The following STK17B variants were observed in gnomAD, a reference collection of about 807,000 sequenced individuals.
STK17B encodes serine/threonine-protein kinase 17B.
In STK17B, 21 loss-of-function variants were observed where a neutral mutation model predicts 42.0. The observed-to-expected ratio is 0.50, with a 90% CI of 0.35 to 0.72. The LOEUF (loss-of-function observed/expected upper bound fraction) is 0.72. Ranked by LOEUF, STK17B falls within the 30% of genes least tolerant of loss-of-function variation. STK17B has a pLI of 0.00. For synonymous variants in STK17B, 143 were observed against 148.4 expected (o/e 0.96, Z 0.26); for missense variants, 349 against 446.0 (o/e 0.78, Z 1.96).
At chr2:196,140,326 T>G (rs1367991859) in intron 6 of STK17B, among the ~76,000 whole-genome samples, 1 of 152,194 alleles carries the variant, frequency 6.6e-6, no homozygotes. Flanking sequence ...CATACCATCT[T>G]TTTTCCTGGG....
chr2:196,158,225 G>A (rs1164206612), intron 2 of STK17B, among the ~76,000 whole-genome samples: 1 of 152,040 alleles, frequency 6.6e-6, no homozygotes, highest in South Asian at 2.1e-4. Context: ...GTGGAAACTG[G>A]GGGACTACAC....
At chr2:196,175,896 A>G (rs995337559), upstream of STK17B, among the ~76,000 whole-genome samples, 1 of 152,178 alleles carries the variant, frequency 6.6e-6, no homozygotes, top group African/African-American at 2.4e-5. Context: ...CCCTTGTTTT[A>G]GAAGGGAAGA....
rs558733867 is a variant in STK17B, at chr2:196,136,932, T to C, written c.*515A>G. 1 of 152,510 alleles carries C rather than the reference T, an allele frequency of 6.6e-6. No homozygotes were observed. Among genetic ancestry groups the C allele is most frequent in the Admixed American group, 6.5e-5 (1 of 15,310 alleles). The allele number at this position is 152,510 out of a possible 1,614,324, so 9.4% of individuals were successfully genotyped here. ...TTACGAAGTTTCAAAATATTTGTAA[T>C]TGAAAGACATTTTCAATTGTAAAAT... On this transcript the variant is annotated 3_prime_UTR_variant, in exon 8 of 8. Coordinates refer to ENST00000263955, the MANE Select transcript of STK17B (RefSeq NM_004226.4).
chr2:196,144,541 G>T (rs1418931241), intron 4 of STK17B, among the ~76,000 whole-genome samples: 1 of 144,562 alleles, frequency 6.9e-6, no homozygotes, highest in African/African-American at 2.6e-5. Flanking sequence ...ACAGAAAGGT[G>T]CTCTGGGGAA....
chr2:196,145,220 G>T (rs1699553871), intron 4 of STK17B, among the ~76,000 whole-genome samples: 1 of 151,714 alleles, frequency 6.6e-6, no homozygotes. Flanking sequence ...GAGAGGCCTG[G>T]GCTGTAGGTG....
Position 196,171,367 on chromosome 2 carries a change from C to G in STK17B, c.-79G>C, listed in dbSNP as rs981898447. 1.2e-4 allele frequency: 18 copies of G among 152,388 alleles called. No individual in the cohort carries two copies. The highest frequency in any genetic ancestry group is 2.6e-4 in the Admixed American group (4 of 15,290). 9.4% of individuals were successfully genotyped at this position (152,388 alleles called of 1,614,324 possible). ...CGCCGCAGGTTCTCCCGGGACTGCC[C>G]CCTCCAGGGGGCCGCTGTCCCGCCC... is the stretch of plus-strand genomic sequence containing the variant. On this transcript the variant is annotated 5_prime_UTR_variant, in exon 1 of 8. Coordinates refer to ENST00000263955, the MANE Select transcript of STK17B (RefSeq NM_004226.4).
chr2:196,162,548 A>C (rs970054085), intron 2 of STK17B, among the ~76,000 whole-genome samples: 6 of 152,220 alleles, frequency 3.9e-5, no homozygotes, highest in Admixed American at 3.9e-4. Context: ...ACAACCATAT[A>C]AGACAGACAC....
chr2:196,136,136 A>G lies in STK17B; in HGVS notation c.*1311T>C, dbSNP rs940942527. 1.3e-5 allele frequency: 2 copies of G among 152,222 alleles called. No individual in the cohort carries two copies. The highest frequency in any genetic ancestry group is 1.9e-4 in the East Asian group (1 of 5,208). 9.4% of individuals were successfully genotyped at this position (152,222 alleles called of 1,614,324 possible). ...ACCATTTGTCAAACTATTTCTTCTG[A>G]TACAGCAACATGGTCATGAGATCAC... On this transcript the variant is annotated 3_prime_UTR_variant, in exon 8 of 8. Transcript: ENST00000263955.
At chr2:196,141,484 C>T (rs957129341) in intron 5 of STK17B, among the ~76,000 whole-genome samples, 187 bp from the exon 6 acceptor site, 10 of 152,104 alleles carry the variant, frequency 6.6e-5, no homozygotes, top group Admixed American at 2.6e-4. Context: ...CATGGTGAAA[C>T]GCTGTCTCTA....
intron 2 of STK17B, among the ~76,000 whole-genome samples, chr2:196,158,625 C>T (rs1372014981): frequency 2.6e-5 from 4 of 152,086 alleles, no homozygotes; most frequent in Non-Finnish European, 4.4e-5. Flanking sequence ...CATGAAAGCT[C>T]ATAAATGGAA....
rs1699399367 is a variant in STK17B, at chr2:196,136,058, T to TA, written c.*1388dup. 1 of 152,156 alleles carries TA rather than the reference T, an allele frequency of 6.6e-6. No homozygotes were observed. Among genetic ancestry groups the TA allele is most frequent in the African/African-American group, 2.4e-5 (1 of 41,436 alleles). 9.4% of individuals were successfully genotyped at this position (152,156 alleles called of 1,614,324 possible). On this transcript the variant is annotated 3_prime_UTR_variant, in exon 8 of 8. Transcript: ENST00000263955. ...GTTATTATTAAAGAATTTGGAAACTTACCAAAATTTTGAGAAGTTAAAGGT... is the reference window on the plus strand; with the variant it reads ...GTTATTATTAAAGAATTTGGAAACTTAACCAAAATTTTGAGAAGTTAAAGGT...
Position 196,137,598 on chromosome 2 carries a change from T to C in STK17B, c.968A>G (p.Asp323Gly), listed in dbSNP as rs751042475. Residue 323 changes from aspartate (D) to glycine (G), a missense_variant, in exon 8 of 8, where the codon GAC (aspartate) becomes GGC (glycine). By Grantham distance (94) the Asp-to-Gly change is moderately conservative. This residue lies in a region of STK17B where 87 missense variants were observed against 78.8 expected (regional missense o/e 1.10). Coordinates refer to ENST00000263955, the MANE Select transcript of STK17B (RefSeq NM_004226.4). ...ATTACAGGAGGATTTAGAAGTCTTG[T>C]CTTCAGAGGACCTTACAGAATGATC... ...TQDHSVRSSE[D>G]KTSKSSCNGT... is the part of the protein sequence containing the mutation. 7 of 1,614,010 alleles carry C rather than the reference T, an allele frequency of 4.3e-6. No homozygotes were observed. The African/African-American group carries it at 9.3e-5, about 22-fold the overall frequency.
intron 3 of STK17B, among the ~76,000 whole-genome samples, chr2:196,150,183 A>T (rs867320028): frequency 0.45 from 59,289 of 130,730 alleles, 14,767 homozygotes; most frequent in South Asian, 0.59. Flanking sequence ...AGTGACTAAA[A>T]AAAAAAAAAA....
At chr2:196,161,276 T>TA (rs1208667565) in intron 2 of STK17B, among the ~76,000 whole-genome samples, 6 of 145,586 alleles carry the variant, frequency 4.1e-5, no homozygotes, top group African/African-American at 7.7e-5. Context: ...ACAGGAAACT[T>TA]AAAAAAAAGA....
intron 4 of STK17B, among the ~76,000 whole-genome samples, chr2:196,144,867 G>A (rs1315436507): frequency 6.6e-6 from 1 of 152,018 alleles, no homozygotes; most frequent in African/African-American, 2.4e-5. Context: ...TCTCATGCTT[G>A]TTTATTACTA....
chr2:196,154,226 C>CCAACAA (rs55974799), intron 3 of STK17B: 77,588 of 147,234 alleles, frequency 0.53, 22,723 homozygotes, highest in East Asian at 0.7. Context: ...GAGCAAGACT[C>CCAACAA]CAACAACAAC....
At chr2:196,138,649 C>T (rs545262261) in intron 7 of STK17B, among the ~76,000 whole-genome samples, 16 of 150,914 alleles carry the variant, frequency 1.1e-4, no homozygotes, top group Admixed American at 7.9e-4. Flanking sequence ...GATCTCAGCT[C>T]ACCACAACCT....
intron 2 of STK17B, among the ~76,000 whole-genome samples, chr2:196,160,805 T>C (rs1699801871): frequency 6.6e-6 from 1 of 152,230 alleles, no homozygotes; most frequent in South Asian, 2.1e-4. Context: ...AAATTTGCTT[T>C]AATCAAATTC....
rs775713524 is a variant in STK17B at position 196,156,542 on chromosome 2, A to G, written c.232T>C (p.Leu78=). The part of the protein sequence containing the change: ...RRGQDCRAEI[L]HEIAVLELAK... ...AATTCAAGCACAGCAATCTCGTGTA[A>G]AATTTCTGCTCGACAATCCTGTCCT... Residue 78 remains leucine (L), a synonymous_variant, in exon 3 of 8, where the codon TTA becomes CTA. Coordinates refer to ENST00000263955, the MANE Select transcript of STK17B (RefSeq NM_004226.4). 6.2e-7 allele frequency: 1 copy of G among 1,614,092 alleles called. No individual in the cohort carries two copies. Among genetic ancestry groups the G allele is most frequent in the South Asian group, 1.1e-5 (1 of 91,084 alleles).
Sources: gnomAD v4.1 joint callset for allele counts (sites outside exome capture counted in the v4.1 genomes callset) on GRCh38, gnomAD v4.1.1 for gene constraint, gnomAD v4.1.1 regional missense constraint, MANE v1.5 for transcripts, NCBI Gene and HGNC (gene_info 2026-07-23, HGNC 2026-07-21) for gene names.